The following ZNF804B variants were observed in gnomAD, a reference collection of about 807,000 sequenced individuals.
ZNF804B encodes zinc finger protein 804B, also known as zinc finger 804B.
ZNF804B carries 80 observed loss-of-function variants against 101.4 expected under a neutral mutation model. The observed-to-expected ratio is 0.79, with a 90% CI of 0.66 to 0.95. The LOEUF (loss-of-function observed/expected upper bound fraction) is 0.95, where lower values mean the gene tolerates loss of function less well. Ranked by LOEUF, ZNF804B falls within the 40% of genes least tolerant of loss-of-function variation. The probability of loss-of-function intolerance (pLI) is 0.00; values close to 1 mark genes in which losing one functional copy is unlikely to be tolerated. For synonymous variants in ZNF804B, 622 were observed against 558.8 expected (o/e 1.11, Z -1.59); for missense variants, 1,673 against 1,561.9 (o/e 1.07, Z -1.20).
intron 1 of ZNF804B, among the ~76,000 whole-genome samples, chr7:89,094,711 A>G (rs578023930): frequency 2.0e-5 from 3 of 152,196 alleles, no homozygotes; most frequent in African/African-American, 2.4e-5. Flanking sequence ...CAAAACAAAA[A>G]TGATGATTAA....
intron 1 of ZNF804B, among the ~76,000 whole-genome samples, chr7:88,961,192 A>G (rs1165510241): frequency 1.3e-5 from 2 of 151,408 alleles, no homozygotes. Context: ...AGTTTAAAGG[A>G]AAGTTTTCTA....
At chr7:88,971,012 A>T (rs137868945) in intron 1 of ZNF804B, among the ~76,000 whole-genome samples, 3,376 of 151,190 alleles carry the variant, frequency 0.022, 125 homozygotes, top group African/African-American at 0.077. Context: ...TAAATAAAAT[A>T]AAGAATAAAA....
intron 1 of ZNF804B, among the ~76,000 whole-genome samples, chr7:88,875,015 C>T (rs1340812504): frequency 7.7e-6 from 1 of 129,560 alleles, no homozygotes; most frequent in African/African-American, 3.3e-5. Flanking sequence ...TCACTCAAAA[C>T]CGCTCAACTA....
chr7:88,902,650 A>G (rs1792409786), intron 1 of ZNF804B, among the ~76,000 whole-genome samples: 1 of 152,082 alleles, frequency 6.6e-6, no homozygotes, highest in South Asian at 2.1e-4. Context: ...ATATATGTTT[A>G]TAAGAGAAAA....
chr7:88,844,964 C>A (rs551131190), intron 1 of ZNF804B, among the ~76,000 whole-genome samples: 1 of 152,242 alleles, frequency 6.6e-6, no homozygotes, highest in African/African-American at 2.4e-5. Flanking sequence ...GCTGGAAGTT[C>A]TCTCATTAAA....
chr7:88,908,553 A>C (rs1284469821), intron 1 of ZNF804B, among the ~76,000 whole-genome samples: 4 of 151,876 alleles, frequency 2.6e-5, no homozygotes, highest in Non-Finnish European at 5.9e-5. Flanking sequence ...CATCATTTTC[A>C]AAGAATATTT....
chr7:89,327,173 T>C (rs562678817), intron 2 of ZNF804B, among the ~76,000 whole-genome samples, 171 bp from the exon 3 acceptor site: 9 of 149,638 alleles, frequency 6.0e-5, no homozygotes, highest in African/African-American at 2.0e-4. Context: ...CACATTTATC[T>C]GCTAAATGTG....
chr7:89,162,985 C>T (rs917409684), intron 1 of ZNF804B, among the ~76,000 whole-genome samples: 2 of 151,162 alleles, frequency 1.3e-5, no homozygotes, highest in East Asian at 2.0e-4. Context: ...CATCCATGTC[C>T]CTACAAAGGA....
rs545568505 is a variant in ZNF804B, at chr7:89,048,687, T to C, written c.109-169468T>C. On this transcript the variant is annotated intron_variant, in intron 1 of 3. Coordinates refer to ENST00000333190, the MANE Select transcript of ZNF804B (RefSeq NM_181646.5). ...TGGTCTTGAAACACAGAAGAAATTA[T>C]GTAAAGATTATAGAGACTGTTTATA... 1.8e-4 allele frequency among the ~76,000 whole-genome samples: 27 copies of C among 152,064 alleles called. 1 individual carries two copies. Among genetic ancestry groups the C allele is most frequent in the African/African-American group, 6.5e-4 (27 of 41,376 alleles).
At chr7:88,843,975 A>T in intron 1 of ZNF804B, among the ~76,000 whole-genome samples, 1 of 152,136 alleles carries the variant, frequency 6.6e-6, no homozygotes, top group Middle Eastern at 3.2e-3. Flanking sequence ...AAGATTAAAA[A>T]ATCTTGTTTT....
rs573176442 is a variant in ZNF804B, at chr7:89,065,800, A to G, written c.109-152355A>G. ...CACATCATCTCAACCTTTTACTTCCATCTTCGGATCCTCTTTTGTCCCTCC... is the reference window on the plus strand; with the variant it reads ...CACATCATCTCAACCTTTTACTTCCGTCTTCGGATCCTCTTTTGTCCCTCC... On this transcript the variant is annotated intron_variant, in intron 1 of 3. Transcript: ENST00000333190. Among the ~76,000 whole-genome samples the G allele has an allele frequency of 6.6e-5, 10 of 151,990 alleles. No homozygotes were observed. In the South Asian group the frequency reaches 2.1e-3, roughly 32 times the overall value.
chr7:89,016,069 G>T (rs1365063768), intron 1 of ZNF804B, among the ~76,000 whole-genome samples: 1 of 152,134 alleles, frequency 6.6e-6, no homozygotes, highest in Non-Finnish European at 1.5e-5. Context: ...GTTTTGATTT[G>T]CATTTCTCTG....
At chr7:89,216,643 C>A (rs374898301) in intron 1 of ZNF804B, among the ~76,000 whole-genome samples, 1 of 152,082 alleles carries the variant, frequency 6.6e-6, no homozygotes, top group Non-Finnish European at 1.5e-5. Flanking sequence ...GGTATCATTC[C>A]CTTCTTTCTT....
chr7:89,140,225 A>G (rs1411940402), intron 1 of ZNF804B, among the ~76,000 whole-genome samples: 1 of 152,028 alleles, frequency 6.6e-6, no homozygotes, highest in Non-Finnish European at 1.5e-5. Context: ...GTTGTGTTGC[A>G]TTCCAGGATT....
intron 2 of ZNF804B, among the ~76,000 whole-genome samples, chr7:89,246,160 C>T (rs905946620): frequency 3.3e-5 from 5 of 152,148 alleles, no homozygotes; most frequent in Non-Finnish European, 7.4e-5. Context: ...TACAGACCTC[C>T]ACAACTAGAA....
chr7:88,838,497 G>A (rs1429699945), intron 1 of ZNF804B, among the ~76,000 whole-genome samples: 2 of 151,662 alleles, frequency 1.3e-5, no homozygotes, highest in African/African-American at 2.4e-5. Context: ...ATTTGGAAGG[G>A]GCTTGAAAGT....
At chr7:88,906,449 T>C (rs1792471858) in intron 1 of ZNF804B, among the ~76,000 whole-genome samples, 1 of 152,186 alleles carries the variant, frequency 6.6e-6, no homozygotes, top group Non-Finnish European at 1.5e-5. Flanking sequence ...CTATTTTCAT[T>C]AATTTCAAAG....
intron 1 of ZNF804B, among the ~76,000 whole-genome samples, chr7:88,902,287 A>T (rs1362075494): frequency 6.6e-6 from 1 of 151,976 alleles, no homozygotes; most frequent in Non-Finnish European, 1.5e-5. Context: ...TAGTTGTCTT[A>T]TGCATATCTG....
intron 2 of ZNF804B, among the ~76,000 whole-genome samples, chr7:89,319,779 T>C (rs1790791049): frequency 6.6e-6 from 1 of 152,150 alleles, no homozygotes; most frequent in African/African-American, 2.4e-5. Context: ...AATCAGGTAC[T>C]TGAAGGCTGT....
Sources: gnomAD v4.1 joint callset for allele counts (sites outside exome capture counted in the v4.1 genomes callset) on GRCh38, gnomAD v4.1.1 for gene constraint, MANE v1.5 for transcripts, NCBI Gene and HGNC (gene_info 2026-07-23, HGNC 2026-07-21) for gene names.